The following WWC2 variants were observed in gnomAD, a reference collection of about 807,000 sequenced individuals.
The protein encoded by WWC2 is WW and C2 domain containing 2, also known as protein WWC2.
In WWC2, 101 loss-of-function variants were observed where a neutral mutation model predicts 138.5. That is an observed-to-expected ratio of 0.73 (90% CI 0.62 to 0.86). The LOEUF is 0.86. Among genes scored for constraint, WWC2 ranks in the 40% least tolerant of loss-of-function variants. The pLI is 0.00. For synonymous variants in WWC2, 558 were observed against 538.4 expected (o/e 1.04, Z -0.50); for missense variants, 1,420 against 1,419.4 (o/e 1.00, Z -0.01).
intron 1 of WWC2, among the ~76,000 whole-genome samples, chr4:183,137,303 A>T (rs915714695): frequency 6.6e-6 from 1 of 152,136 alleles, no homozygotes; most frequent in Non-Finnish European, 1.5e-5. Context: ...TAAAACACAC[A>T]CACATTGTAC....
chr4:183,196,055 C>T (rs1378648453), intron 2 of WWC2, among the ~76,000 whole-genome samples: 6 of 152,014 alleles, frequency 3.9e-5, no homozygotes, highest in East Asian at 3.9e-4. Flanking sequence ...AAGCATCTTC[C>T]GCTTACTCTC....
intron 21 of WWC2, among the ~76,000 whole-genome samples, chr4:183,308,648 G>A (rs1255942095): frequency 6.6e-6 from 1 of 152,016 alleles, no homozygotes; most frequent in Non-Finnish European, 1.5e-5. Flanking sequence ...ATATAATATG[G>A]TATAGTATTT....
At chr4:183,182,751 A>G (rs1376430209) in intron 1 of WWC2, among the ~76,000 whole-genome samples, 1 of 152,236 alleles carries the variant, frequency 6.6e-6, no homozygotes, top group African/African-American at 2.4e-5. Context: ...ATTTTGATGC[A>G]GTATTGAAAG....
At chr4:183,304,391 T>A (rs1738959102) in intron 21 of WWC2, among the ~76,000 whole-genome samples, 2 of 152,134 alleles carry the variant, frequency 1.3e-5, no homozygotes, top group African/African-American at 4.8e-5. Context: ...CTCCACACTT[T>A]TGTTAGTTTT....
intron 4 of WWC2, among the ~76,000 whole-genome samples, chr4:183,215,029 C>G (rs1484061193): frequency 6.6e-6 from 1 of 152,122 alleles, no homozygotes; most frequent in Non-Finnish European, 1.5e-5. Flanking sequence ...TACAGTAGCT[C>G]CCCTTTATTC....
At chr4:183,240,841 G>A (rs55900113) in intron 5 of WWC2, among the ~76,000 whole-genome samples, 117 of 152,314 alleles carry the variant, frequency 7.7e-4, no homozygotes, top group Non-Finnish European at 1.3e-3. Context: ...GAAGTTGGCT[G>A]GGCCGTTAGC....
chr4:183,203,234 A>G (rs1735351644), intron 2 of WWC2, among the ~76,000 whole-genome samples: 1 of 150,468 alleles, frequency 6.6e-6, no homozygotes, highest in Non-Finnish European at 1.5e-5. Flanking sequence ...CTCAATGTAC[A>G]TTCCAATATG....
At chr4:183,279,274 AC>A in intron 16 of WWC2, among the ~76,000 whole-genome samples, 1 of 152,152 alleles carries the variant, frequency 6.6e-6, no homozygotes, top group East Asian at 1.9e-4. Context: ...ATGCTGTATT[AC>A]ATTTATTGAT....
At chr4:183,282,160 A>G (rs376784544) in intron 17 of WWC2, among the ~76,000 whole-genome samples, 42 of 152,300 alleles carry the variant, frequency 2.8e-4, no homozygotes, top group African/African-American at 1.0e-3. Flanking sequence ...TATATTCTGG[A>G]GCACCACTTA....
intron 1 of WWC2, among the ~76,000 whole-genome samples, chr4:183,133,879 A>G (rs1001981408): frequency 1.3e-5 from 2 of 151,988 alleles, no homozygotes; most frequent in African/African-American, 4.8e-5. Context: ...CATTTTCTAG[A>G]CTCTGGAATT....
At chr4:183,244,162 A>AT (rs904788734) in intron 5 of WWC2, among the ~76,000 whole-genome samples, 1 of 152,168 alleles carries the variant, frequency 6.6e-6, no homozygotes, top group Non-Finnish European at 1.5e-5. Flanking sequence ...GAACGTGTAT[A>AT]GAGTTGTTGG....
chr4:183,182,165 A>G (rs1449608990), intron 1 of WWC2, among the ~76,000 whole-genome samples: 1 of 152,200 alleles, frequency 6.6e-6, no homozygotes. Flanking sequence ...AAGTTTTGAT[A>G]AAAGTAATAC....
chr4:183,311,578 G>GT lies in WWC2; in HGVS notation c.3385-744dup, dbSNP rs33921495. Among the ~76,000 whole-genome samples the GT allele has an allele frequency of 3.0e-3, 344 of 115,286 alleles. 5 individuals carry two copies. The highest frequency in any genetic ancestry group is 5.6e-3 in the African/African-American group (180 of 32,070). The allele number at this position is 115,286 out of a possible 152,430, so 75.6% of individuals were successfully genotyped here. On this transcript the variant is annotated intron_variant, in intron 21 of 22. Coordinates refer to ENST00000403733, the MANE Select transcript of WWC2 (RefSeq NM_024949.6). Reference sequence around the variant, plus strand: ...TTGAGCTATACACGTATGTGTGCAGGTTTTTTTTTTTTTTTTTTTGAGACG... The same window carrying GT: ...TTGAGCTATACACGTATGTGTGCAGGTTTTTTTTTTTTTTTTTTTTGAGACG...
rs184021341 is a variant in WWC2, at chr4:183,259,816, C to G, written c.1286+88C>G. The stretch of plus-strand genomic sequence containing the variant: ...TGATTACTTTTCACTTTATTTCCAA[C>G]TACTTTAAATAAAATCATTATAGTA... On this transcript the variant is annotated intron_variant, in intron 10 of 22. Transcript: ENST00000403733. 3.3e-4 allele frequency: 305 copies of G among 938,090 alleles called. 1 individual carries two copies. The African/African-American group carries it at 3.3e-3, about 10-fold the overall frequency. 58.1% of individuals were successfully genotyped at this position (938,090 alleles called of 1,614,324 possible). A position where few individuals can be genotyped will look rare whatever the true frequency, so the allele number is the denominator to read the frequency against.
Position 183,320,236 on chromosome 4 carries a change from T to G in WWC2, c.*4507T>G, listed in dbSNP as rs1184461043. The G allele has an allele frequency of 6.3e-7, 1 of 1,595,520 alleles. No homozygotes were observed. The highest frequency in any genetic ancestry group is 1.8e-5 in the Admixed American group (1 of 57,126). The stretch of plus-strand genomic sequence containing the variant: ...AAAGCCATTATAATGTCCTGAGAGC[T>G]TTAGCCAAACTAACTCCTGCCCTTC... On this transcript the variant is annotated 3_prime_UTR_variant, in exon 23 of 23. Transcript: ENST00000403733.
At position 183,107,607 on chromosome 4, in the gene WWC2, C is replaced by G. The variant is rs74714608; in HGVS notation, c.131+7985C>G. ...TTTTATAGCTGTTGCTATTCTGCCC[C>G]CTTTTTGTTTGTGTACTCTCACTCT... is the stretch of plus-strand genomic sequence containing the variant. On this transcript the variant is annotated intron_variant, in intron 1 of 22. Transcript: ENST00000403733. 8.7e-4 allele frequency among the ~76,000 whole-genome samples: 133 copies of G among 152,250 alleles called. 1 individual carries two copies. In the East Asian group the frequency reaches 0.019, roughly 22 times the overall value.
intron 5 of WWC2, among the ~76,000 whole-genome samples, chr4:183,242,362 A>G (rs995301977): frequency 1.3e-5 from 2 of 152,214 alleles, no homozygotes; most frequent in Non-Finnish European, 2.9e-5. Flanking sequence ...ATAGAATGGA[A>G]TATATTTGTT....
chr4:183,260,482 A>C (rs1737288094), intron 10 of WWC2, among the ~76,000 whole-genome samples: 1 of 152,242 alleles, frequency 6.6e-6, no homozygotes, highest in Admixed American at 6.5e-5. Context: ...GTGGTCCCGT[A>C]AGATTGTAAT....
At chr4:183,153,970 T>C (rs1278649355) in intron 1 of WWC2, among the ~76,000 whole-genome samples, 1 of 124,656 alleles carries the variant, frequency 8.0e-6, no homozygotes, top group Non-Finnish European at 1.6e-5. Context: ...GTGGACTTGC[T>C]CTTTTAACAG....
Sources: allele counts gnomAD v4.1 joint callset (sites outside exome capture counted in the v4.1 genomes callset), GRCh38; gene constraint gnomAD v4.1.1; transcripts MANE v1.5; gene names NCBI Gene and HGNC (gene_info 2026-07-23, HGNC 2026-07-21).